LPP: variants seen among roughly 807,000 people sequenced by gnomAD.
LPP encodes the protein LIM domain containing preferred translocation partner in lipoma, also known as lipoma-preferred partner.
LPP carries 38 observed loss-of-function variants against 60.4 expected under a neutral mutation model. The observed-to-expected ratio is 0.63, with a 90% CI of 0.49 to 0.83. The LOEUF (loss-of-function observed/expected upper bound fraction) is 0.83. LPP is among the 40% of genes least tolerant of loss of function. LPP has a pLI of 0.00. For missense variants in LPP, 902 were observed against 783.6 expected, an observed-to-expected ratio of 1.15 and a Z score of -1.80; for synonymous variants, 328 against 290.8, an observed-to-expected ratio of 1.13 and a Z score of -1.30.
chr3:188,829,503 T>C (rs1300309027), intron 9 of LPP, among the ~76,000 whole-genome samples: 1 of 152,206 alleles, frequency 6.6e-6, no homozygotes, highest in Non-Finnish European at 1.5e-5. Flanking sequence ...TGTTTAACAC[T>C]TTGCAGTTGA....
intron 9 of LPP, among the ~76,000 whole-genome samples, chr3:188,833,288 A>G (rs1757554017): frequency 6.6e-6 from 1 of 152,220 alleles, no homozygotes. Context: ...TCCCCATGGT[A>G]CATTTCAGGT....
At chr3:188,384,529 C>T (rs564825918) in intron 3 of LPP, among the ~76,000 whole-genome samples, 1 of 152,042 alleles carries the variant, frequency 6.6e-6, no homozygotes, top group Non-Finnish European at 1.5e-5. Flanking sequence ...CAGTGGCTCA[C>T]GCCTGTAATC....
intron 9 of LPP, among the ~76,000 whole-genome samples, chr3:188,857,817 A>C (rs1486200527): frequency 6.6e-6 from 1 of 152,226 alleles, no homozygotes; most frequent in East Asian, 1.9e-4. Flanking sequence ...TAGGAGAATT[A>C]ATGGTGAAGG....
chr3:188,870,138 A>ATG lies in LPP; in HGVS notation c.1590-2493_1590-2492dup, dbSNP rs969822768. 9.2e-5 allele frequency among the ~76,000 whole-genome samples: 14 copies of ATG among 151,772 alleles called. No homozygotes were observed. The East Asian group carries it at 9.6e-4, about 10-fold the overall frequency. The stretch of plus-strand genomic sequence containing the variant: ...GTCTGACTGGTATAGAAATATACAT[A>ATG]TGTGTGTGTGTGTATATACATATGT... On this transcript the variant is annotated intron_variant, in intron 10 of 11. Transcript: ENST00000617246.
chr3:188,303,604 A>G (rs1439626534), intron 2 of LPP, among the ~76,000 whole-genome samples: 2 of 152,176 alleles, frequency 1.3e-5, no homozygotes, highest in Non-Finnish European at 2.9e-5. Flanking sequence ...ATAGGTAAGT[A>G]TATGTCACCA....
chr3:188,422,838 C>CTCTT (rs1180156987), intron 4 of LPP, among the ~76,000 whole-genome samples: 2 of 151,560 alleles, frequency 1.3e-5, no homozygotes, highest in Non-Finnish European at 2.9e-5. Flanking sequence ...ATATGCGTTT[C>CTCTT]TCTTTGGTGG....
chr3:188,612,754 A>G (rs1427672881), intron 7 of LPP, among the ~76,000 whole-genome samples: 3 of 152,182 alleles, frequency 2.0e-5, no homozygotes, highest in African/African-American at 7.2e-5. Flanking sequence ...GGAGTTTGGC[A>G]TTTAACCCAT....
At chr3:188,339,507 A>G (rs1299012592) in intron 2 of LPP, among the ~76,000 whole-genome samples, 2 of 152,160 alleles carry the variant, frequency 1.3e-5, no homozygotes, top group Non-Finnish European at 2.9e-5. Flanking sequence ...ATTGCTGGGG[A>G]GGCCTCAGGA....
intron 2 of LPP, among the ~76,000 whole-genome samples, chr3:188,315,937 A>G (rs967289171): frequency 1.3e-5 from 2 of 152,242 alleles, no homozygotes; most frequent in South Asian, 4.1e-4. Context: ...AAGTCTACAT[A>G]GTTTTTCTCA....
chr3:188,468,428 C>G (rs1025206181), intron 4 of LPP, among the ~76,000 whole-genome samples: 1 of 152,156 alleles, frequency 6.6e-6, no homozygotes, highest in Non-Finnish European at 1.5e-5. Context: ...AGAACTTTAT[C>G]TACAAAAACA....
intron 5 of LPP, among the ~76,000 whole-genome samples, chr3:188,509,274 A>G (rs979544768): frequency 6.6e-6 from 1 of 152,216 alleles, no homozygotes; most frequent in Non-Finnish European, 1.5e-5. Context: ...TAGTGGACAC[A>G]TGATTTCTAC....
chr3:188,585,338 A>G lies in LPP; in HGVS notation c.430-23823A>G, dbSNP rs897356710. ...TTGTATTTTTCTACTCTTAAGATGC[A>G]TCATTTTATGTTGGGATCTATCAGT... On this transcript the variant is annotated intron_variant, in intron 6 of 11. Transcript: ENST00000617246. Among the ~76,000 whole-genome samples the G allele has an allele frequency of 3.3e-5, 5 of 152,272 alleles. No homozygotes were observed. The East Asian group carries it at 9.6e-4, about 29-fold the overall frequency.
chr3:188,493,929 G>A (rs1254705405), intron 5 of LPP, among the ~76,000 whole-genome samples: 1 of 151,968 alleles, frequency 6.6e-6, no homozygotes. Context: ...CTTAATTTTT[G>A]TGGTGATAGT....
intron 3 of LPP, among the ~76,000 whole-genome samples, chr3:188,388,380 A>G (rs1429340558): frequency 1.3e-5 from 2 of 152,228 alleles, no homozygotes; most frequent in Non-Finnish European, 2.9e-5. Flanking sequence ...TTGACAATAA[A>G]CAGGCAAAAT....
intron 1 of LPP, among the ~76,000 whole-genome samples, chr3:188,221,538 C>G (rs1715779875): frequency 6.6e-6 from 1 of 152,152 alleles, no homozygotes; most frequent in Non-Finnish European, 1.5e-5. Flanking sequence ...AACAGTTGTG[C>G]CAGAGTGGTT....
At chr3:188,232,454 T>A (rs1485992026) in intron 2 of LPP, among the ~76,000 whole-genome samples, 1 of 151,812 alleles carries the variant, frequency 6.6e-6, no homozygotes, top group Non-Finnish European at 1.5e-5. Flanking sequence ...TTCTCCTGCC[T>A]TAGCCTCCCA....
intron 3 of LPP, among the ~76,000 whole-genome samples, chr3:188,375,341 C>CT (rs1560317565): frequency 6.6e-6 from 1 of 152,144 alleles, no homozygotes; most frequent in African/African-American, 2.4e-5. Context: ...TGGTCCTGAA[C>CT]TTTTTTTGGT....
chr3:188,589,841 C>G (rs1838287534), intron 6 of LPP, among the ~76,000 whole-genome samples: 1 of 152,106 alleles, frequency 6.6e-6, no homozygotes, highest in Admixed American at 6.6e-5. Flanking sequence ...ATATTTTGAA[C>G]TAAAGACCTG....
At chr3:188,847,841 A>G (rs754492611) in intron 9 of LPP, among the ~76,000 whole-genome samples, 1 of 152,232 alleles carries the variant, frequency 6.6e-6, no homozygotes, top group Non-Finnish European at 1.5e-5. Context: ...GTTATTTAAT[A>G]GAATGCAAAT....
Sources: gnomAD v4.1 joint callset for allele counts (sites outside exome capture counted in the v4.1 genomes callset) on GRCh38, gnomAD v4.1.1 for gene constraint, MANE v1.5 for transcripts, NCBI Gene and HGNC (gene_info 2026-07-23, HGNC 2026-07-21) for gene names.